NEK1: variants seen among roughly 807,000 people sequenced by gnomAD.
The protein encoded by NEK1 is serine/threonine-protein kinase Nek1.
Under a neutral mutation model 182.1 loss-of-function variants are expected in NEK1, and 137 were observed. The ratio of observed to expected loss-of-function variants is 0.75; its 90% CI spans 0.65 to 0.87. The LOEUF (loss-of-function observed/expected upper bound fraction) is 0.87, where lower values mean the gene tolerates loss of function less well. NEK1 is among the 40% of genes least tolerant of loss of function. The pLI is 0.00. For missense variants in NEK1, 1,391 were observed against 1,494.4 expected, an observed-to-expected ratio of 0.93 and a Z score of 1.14; for synonymous variants, 513 against 492.2, an observed-to-expected ratio of 1.04 and a Z score of -0.56.
intron 24 of NEK1, among the ~76,000 whole-genome samples, chr4:169,477,782 T>C (rs538727426): frequency 1.3e-5 from 2 of 152,110 alleles, no homozygotes; most frequent in South Asian, 4.1e-4. Flanking sequence ...GTACCTGATT[T>C]TTTGGTAATT....
chr4:169,450,610 T>A (rs754424526), intron 27 of NEK1, among the ~76,000 whole-genome samples: 21 of 152,050 alleles, frequency 1.4e-4, no homozygotes, highest in Admixed American at 2.6e-4. Flanking sequence ...AATAAAATCC[T>A]TTACAGACAA....
intron 26 of NEK1, among the ~76,000 whole-genome samples, chr4:169,471,532 T>C (rs1237652279): frequency 6.6e-6 from 1 of 152,158 alleles, no homozygotes; most frequent in Non-Finnish European, 1.5e-5. Context: ...AGATGCCAGC[T>C]GAAGTTCTCC....
rs1390464067 is a variant in NEK1, at chr4:169,406,577, C to A, written c.3374+19G>T. The A allele has an allele frequency of 6.5e-7, 1 of 1,539,566 alleles. No homozygotes were observed. Among genetic ancestry groups the A allele is most frequent in the African/African-American group, 1.4e-5 (1 of 72,056 alleles). On this transcript the variant is annotated intron_variant, in intron 32 of 35. Transcript: ENST00000507142. The stretch of plus-strand genomic sequence containing the variant: ...TCAGAAAATCTTTTAATGCTGTTTA[C>A]TAATGACATTATACTTACATGTCTT...
intron 24 of NEK1, among the ~76,000 whole-genome samples, chr4:169,477,712 AT>A (rs1251412640): frequency 6.6e-6 from 1 of 151,952 alleles, no homozygotes; most frequent in Non-Finnish European, 1.5e-5. Context: ...CCAATTCTCA[AT>A]TATTTGTCAT....
chr4:169,399,721 A>G (rs536199054), intron 35 of NEK1, among the ~76,000 whole-genome samples: 1 of 152,302 alleles, frequency 6.6e-6, no homozygotes, highest in East Asian at 1.9e-4. Context: ...CCTGGGCTCA[A>G]GCAATCCTCC....
chr4:169,575,347 T>C (rs886949793), intron 12 of NEK1, among the ~76,000 whole-genome samples: 2 of 152,258 alleles, frequency 1.3e-5, no homozygotes, highest in East Asian at 3.8e-4. Context: ...TATTAAGCTT[T>C]GTCAGTAAAA....
At chr4:169,420,540 T>A (rs939955988) in intron 31 of NEK1, among the ~76,000 whole-genome samples, 1 of 152,140 alleles carries the variant, frequency 6.6e-6, no homozygotes, top group East Asian at 1.9e-4. Context: ...TACGATGTCA[T>A]TAGGTGGTGA....
At chr4:169,607,472 T>A (rs1771544256) in intron 2 of NEK1, among the ~76,000 whole-genome samples, 1 of 151,100 alleles carries the variant, frequency 6.6e-6, no homozygotes, top group Non-Finnish European at 1.5e-5. Flanking sequence ...TAATTTTTAA[T>A]TTTTTTTTGA....
intron 27 of NEK1, among the ~76,000 whole-genome samples, chr4:169,446,154 C>A (rs1396132570): frequency 6.6e-6 from 1 of 151,244 alleles, no homozygotes; most frequent in African/African-American, 2.4e-5. Context: ...AGTAGGATGA[C>A]TACAGTTAAT....
intron 31 of NEK1, among the ~76,000 whole-genome samples, chr4:169,415,001 C>G (rs1734296509): frequency 6.6e-6 from 1 of 152,170 alleles, no homozygotes; most frequent in South Asian, 2.1e-4. Flanking sequence ...TCAATTGTAT[C>G]ACCGCCTCAT....
chr4:169,494,521 AAGTCT>A (rs1750780149), intron 23 of NEK1, among the ~76,000 whole-genome samples: 1 of 152,140 alleles, frequency 6.6e-6, no homozygotes, highest in South Asian at 2.1e-4. Context: ...GGTTGGTTCC[AAGTCT>A]TTGCTATTGT....
At chr4:169,418,269 G>A (rs1027303642) in intron 31 of NEK1, among the ~76,000 whole-genome samples, 3 of 152,144 alleles carry the variant, frequency 2.0e-5, no homozygotes, top group Admixed American at 2.0e-4. Flanking sequence ...GTTTAAAAGT[G>A]TAAAATAGAT....
At chr4:169,568,472 A>C (rs1452619971) in intron 12 of NEK1, among the ~76,000 whole-genome samples, 3 of 152,192 alleles carry the variant, frequency 2.0e-5, no homozygotes, top group Non-Finnish European at 4.4e-5. Context: ...AAGGACATTT[A>C]TAAGAATCCA....
chr4:169,494,665 A>T (rs1386358332), intron 23 of NEK1, among the ~76,000 whole-genome samples: 2 of 152,196 alleles, frequency 1.3e-5, no homozygotes, highest in Non-Finnish European at 2.9e-5. Context: ...TCCCTGAGGA[A>T]TCGCCACACT....
At chr4:169,559,800 G>A (rs1213783167) in intron 16 of NEK1, among the ~76,000 whole-genome samples, 1 of 152,032 alleles carries the variant, frequency 6.6e-6, no homozygotes, top group African/African-American at 2.4e-5. Context: ...ACCTGAGGTC[G>A]GGAGTTCGAG....
At chr4:169,528,470 T>C (rs1230690979) in intron 19 of NEK1, among the ~76,000 whole-genome samples, 2 of 152,142 alleles carry the variant, frequency 1.3e-5, no homozygotes, top group African/African-American at 2.4e-5. Context: ...GAAATAAATT[T>C]TTCCTCAAAT....
chr4:169,491,388 G>A (rs1443158036), intron 23 of NEK1, among the ~76,000 whole-genome samples: 1 of 151,848 alleles, frequency 6.6e-6, no homozygotes, highest in African/African-American at 2.4e-5. Flanking sequence ...AACATACAAG[G>A]GGCTCGCCAT....
chr4:169,605,120 AATC>A (rs1364272170), intron 2 of NEK1, among the ~76,000 whole-genome samples: 1 of 152,222 alleles, frequency 6.6e-6, no homozygotes, highest in Non-Finnish European at 1.5e-5. Flanking sequence ...ATTACTTCAC[AATC>A]ATCATTATTC....
chr4:169,560,141 C>G (rs191917297), intron 16 of NEK1, among the ~76,000 whole-genome samples: 3 of 152,200 alleles, frequency 2.0e-5, no homozygotes, highest in Non-Finnish European at 2.9e-5. Context: ...AATCTCAGTT[C>G]CCCTGGCTCA....
Sources: allele counts gnomAD v4.1 joint callset (sites outside exome capture counted in the v4.1 genomes callset), GRCh38; gene constraint gnomAD v4.1.1; transcripts MANE v1.5; gene names NCBI Gene and HGNC (gene_info 2026-07-23, HGNC 2026-07-21).